The following SERGEF variants were observed in gnomAD, a reference collection of about 807,000 sequenced individuals.
The protein encoded by SERGEF is secretion-regulating guanine nucleotide exchange factor.
SERGEF carries 51 observed loss-of-function variants against 50.0 expected under a neutral mutation model. The observed-to-expected ratio is 1.02, with a 90% CI of 0.81 to 1.29. The LOEUF (loss-of-function observed/expected upper bound fraction) is 1.29. Ranked by LOEUF, SERGEF falls within the 50% of genes most tolerant of loss-of-function variation. The pLI is 0.00. For missense variants in SERGEF, 521 were observed against 557.0 expected, an observed-to-expected ratio of 0.94 and a Z score of 0.65; for synonymous variants, 205 against 212.4, an observed-to-expected ratio of 0.97 and a Z score of 0.30.
intron 10 of SERGEF, among the ~76,000 whole-genome samples, chr11:17,819,450 C>T (rs1475709513): frequency 6.6e-6 from 1 of 152,192 alleles, no homozygotes; most frequent in Non-Finnish European, 1.5e-5. Context: ...ATTTTTATCT[C>T]CTTCAAAGCT....
Position 17,988,595 on chromosome 11 carries a change from AC to A in SERGEF, c.844+1del, listed in dbSNP as rs773023016. 12 of 1,613,590 alleles carry A rather than the reference AC, an allele frequency of 7.4e-6. No homozygotes were observed. The African/African-American group carries it at 1.6e-4, about 22-fold the overall frequency. ...ACCGTAAGTTCTCTGCTACTGTCTC[AC>A]CTGTCTGAGCAACCAGGTGTGTCCA... is the stretch of plus-strand genomic sequence containing the variant. On this transcript the variant is annotated splice_donor_variant, in intron 8 of 10. Coordinates refer to ENST00000265965, the MANE Select transcript of SERGEF (RefSeq NM_012139.4). LOFTEE classifies it high-confidence loss of function.
chr11:17,907,880 C>A (rs1463069132), intron 9 of SERGEF, among the ~76,000 whole-genome samples: 2 of 152,148 alleles, frequency 1.3e-5, no homozygotes, highest in African/African-American at 2.4e-5. Context: ...TAGGAGACAG[C>A]AAGGCAGACA....
chr11:18,010,001 A>G, intron 1 of SERGEF: 1 of 604,988 alleles, frequency 1.7e-6, no homozygotes, highest in Non-Finnish European at 2.5e-6. Context: ...AGAATTGAAG[A>G]CAAGGGATTG....
intron 8 of SERGEF, among the ~76,000 whole-genome samples, chr11:17,963,476 C>T (rs2133974986): frequency 6.6e-6 from 1 of 151,424 alleles, no homozygotes; most frequent in African/African-American, 2.4e-5. Flanking sequence ...TAACCTCCAC[C>T]TCCTGGATTC....
intron 9 of SERGEF, among the ~76,000 whole-genome samples, chr11:17,946,540 G>A (rs1250778442): frequency 6.6e-6 from 1 of 152,170 alleles, no homozygotes; most frequent in Non-Finnish European, 1.5e-5. Context: ...AGTGAGTGTT[G>A]TAAGGCACGG....
chr11:17,893,732 A>G lies in SERGEF; in HGVS notation c.1012-15488T>C, dbSNP rs1392354894. 2.0e-5 allele frequency among the ~76,000 whole-genome samples: 3 copies of G among 152,196 alleles called. No homozygotes were observed. In the East Asian group the frequency reaches 5.8e-4, roughly 29 times the overall value. ...GATGAGTACAGCCAAATGGGCAGGG[A>G]TGCATGGGTAGATCAGCCTTGAGAT... On this transcript the variant is annotated intron_variant, in intron 9 of 10. Coordinates refer to ENST00000265965, the MANE Select transcript of SERGEF (RefSeq NM_012139.4).
At chr11:17,974,066 A>C (rs1407594157) in intron 8 of SERGEF, among the ~76,000 whole-genome samples, 1 of 152,126 alleles carries the variant, frequency 6.6e-6, no homozygotes, top group Non-Finnish European at 1.5e-5. Context: ...TCACATTCAA[A>C]TGGCTTGTCT....
chr11:17,841,607 G>C (rs1462600595), intron 10 of SERGEF, among the ~76,000 whole-genome samples: 1 of 152,146 alleles, frequency 6.6e-6, no homozygotes, highest in African/African-American at 2.4e-5. Flanking sequence ...CAAGGCCATT[G>C]TTGGAAAGAT....
In SERGEF at chr11:17,833,055, G is replaced by C. The variant is rs951953358; in HGVS notation, c.1049-44642C>G. ...CAGAAATTTGCATAAGTAACGAGGA[G>C]CCAAATGTTAATCCCCAAGACAAGG... On this transcript the variant is annotated intron_variant, in intron 10 of 10. Coordinates refer to ENST00000265965, the MANE Select transcript of SERGEF (RefSeq NM_012139.4). Among the ~76,000 whole-genome samples the C allele has an allele frequency of 2.0e-5, 3 of 152,332 alleles. No homozygotes were observed. In the East Asian group the frequency reaches 5.8e-4, roughly 29 times the overall value.
At chr11:17,839,675 C>A (rs942970323) in intron 10 of SERGEF, among the ~76,000 whole-genome samples, 6 of 152,164 alleles carry the variant, frequency 3.9e-5, no homozygotes, top group Non-Finnish European at 8.8e-5. Flanking sequence ...AGCATGCAAA[C>A]TCAAGCCATG....
chr11:17,986,954 T>G (rs546233328), intron 8 of SERGEF, among the ~76,000 whole-genome samples: 2 of 152,336 alleles, frequency 1.3e-5, no homozygotes, highest in East Asian at 3.9e-4. Flanking sequence ...CAAGGCATGG[T>G]ACATAAAAAG....
chr11:17,815,180 C>T (rs1849946421), intron 10 of SERGEF, among the ~76,000 whole-genome samples: 1 of 152,022 alleles, frequency 6.6e-6, no homozygotes, highest in Non-Finnish European at 1.5e-5. Flanking sequence ...GAATGAGATC[C>T]ATCTCTTAAG....
intron 5 of SERGEF, among the ~76,000 whole-genome samples, chr11:17,998,901 T>C (rs1209346300): frequency 2.6e-5 from 4 of 151,664 alleles, no homozygotes; most frequent in Non-Finnish European, 5.9e-5. Flanking sequence ...GCCTCCAGAA[T>C]GGTGAGAAAA....
chr11:18,009,990 C>T, intron 1 of SERGEF: 2 of 537,148 alleles, frequency 3.7e-6, no homozygotes, highest in Non-Finnish European at 5.6e-6. Context: ...TTTTTGTATT[C>T]AGAATTGAAG....
At chr11:17,822,091 A>G (rs1850097374) in intron 10 of SERGEF, among the ~76,000 whole-genome samples, 1 of 152,146 alleles carries the variant, frequency 6.6e-6, no homozygotes, top group Non-Finnish European at 1.5e-5. Flanking sequence ...AATCCTGGGA[A>G]TGGTATTGTT....
chr11:17,999,655 T>G, intron 5 of SERGEF: 1 of 436,630 alleles, frequency 2.3e-6, no homozygotes, highest in Non-Finnish European at 4.6e-6. Context: ...GCCACCTCCC[T>G]GTCCCCCTCA....
intron 8 of SERGEF, among the ~76,000 whole-genome samples, chr11:17,978,627 T>G (rs1853429113): frequency 6.6e-6 from 1 of 152,196 alleles, no homozygotes. Context: ...CCCCTGGATC[T>G]CCATGGGGCA....
chr11:17,792,394 G>A (rs1849496884), intron 10 of SERGEF, among the ~76,000 whole-genome samples: 1 of 152,222 alleles, frequency 6.6e-6, no homozygotes, highest in Non-Finnish European at 1.5e-5. Context: ...CGGCCCTGGT[G>A]AGTGGCACCA....
At chr11:17,926,911 ACTGCAGACTGT>A (rs1407060366) in intron 9 of SERGEF, 2 of 451,670 alleles carry the variant, frequency 4.4e-6, no homozygotes, top group Non-Finnish European at 8.9e-6. Flanking sequence ...GGTCTAGATC[ACTGCAGACTGT>A]CTGCTCCTAT....
Sources: gnomAD v4.1 joint callset for allele counts (sites outside exome capture counted in the v4.1 genomes callset) on GRCh38, gnomAD v4.1.1 for gene constraint, MANE v1.5 for transcripts, NCBI Gene and HGNC (gene_info 2026-07-23, HGNC 2026-07-21) for gene names.